Variants in RNF182 observed in about 807,000 individuals in gnomAD.
The protein encoded by RNF182 is ring finger protein 182.
A neutral mutation model predicts 14.4 loss-of-function variants in RNF182; 15 were observed. The observed-to-expected ratio is 1.04, with a 90% CI of 0.70 to 1.60. The LOEUF (loss-of-function observed/expected upper bound fraction) is 1.60. RNF182 is among the 40% of genes most tolerant of loss of function. RNF182 has a pLI of 0.00. For missense variants in RNF182, 268 were observed against 294.8 expected (o/e 0.91, Z 0.67); for synonymous variants, 128 against 122.9 (o/e 1.04, Z -0.27).
intron 1 of RNF182, among the ~76,000 whole-genome samples, chr6:13,934,523 T>A (rs565783797): frequency 7.5e-4 from 115 of 152,360 alleles, no homozygotes; most frequent in African/African-American, 2.6e-3. Flanking sequence ...TCTCCAACAA[T>A]GTTTTTTTGA....
intron 1 of RNF182, among the ~76,000 whole-genome samples, chr6:13,970,309 C>A (rs946394800): frequency 1.3e-5 from 2 of 152,148 alleles, no homozygotes; most frequent in African/African-American, 4.8e-5. Context: ...CCCACCTCAT[C>A]CTGAGATAAA....
rs113312478 is a variant in RNF182, at chr6:13,959,811, G to T, written c.-366-14399G>T. ...AATTTGTCTTAGACCTGTTAAATTT[G>T]AAGTGTTTGTGTTAATACAAATGGA... On this transcript the variant is annotated intron_variant, in intron 1 of 2. Transcript: ENST00000488300. Among the ~76,000 whole-genome samples the T allele has an allele frequency of 2.2e-3, 328 of 152,262 alleles. 3 individuals carry two copies. The East Asian group carries it at 0.038, about 18-fold the overall frequency.
At chr6:13,949,461 G>A in intron 1 of RNF182, 1 of 647,654 alleles carries the variant, frequency 1.5e-6, no homozygotes, top group South Asian at 1.8e-5. Context: ...TCTGGCCTTT[G>A]GTTGACGAGA....
At chr6:13,925,693 T>C (rs1037132845) in intron 1 of RNF182, among the ~76,000 whole-genome samples, 11 of 152,178 alleles carry the variant, frequency 7.2e-5, no homozygotes, top group African/African-American at 2.7e-4. Context: ...GTCATTGCTT[T>C]TGTTTCTAGA....
chr6:13,962,913 A>T (rs190714454), intron 1 of RNF182, among the ~76,000 whole-genome samples: 1 of 152,312 alleles, frequency 6.6e-6, no homozygotes, highest in East Asian at 1.9e-4. Context: ...TGGACAGTGG[A>T]GTAATACATA....
intron 1 of RNF182, among the ~76,000 whole-genome samples, chr6:13,946,839 A>G (rs750438924): frequency 2.6e-5 from 4 of 152,118 alleles, no homozygotes; most frequent in Non-Finnish European, 4.4e-5. Context: ...CTGCCTAACA[A>G]TTTTTAGGGT....
chr6:13,950,016 C>T (rs1009219097), intron 1 of RNF182, among the ~76,000 whole-genome samples: 5 of 152,190 alleles, frequency 3.3e-5, no homozygotes, highest in African/African-American at 1.2e-4. Context: ...TTTATTCTAT[C>T]TAACTTAAAA....
At chr6:13,934,920 G>A (rs1447681158) in intron 1 of RNF182, among the ~76,000 whole-genome samples, 1 of 152,226 alleles carries the variant, frequency 6.6e-6, no homozygotes, top group African/African-American at 2.4e-5. Flanking sequence ...CTGAGGCAGA[G>A]AGAGAAGACA....
At chr6:13,955,469 T>C (rs1321350368) in intron 1 of RNF182, among the ~76,000 whole-genome samples, 3 of 152,252 alleles carry the variant, frequency 2.0e-5, no homozygotes, top group Admixed American at 2.0e-4. Context: ...GAGTGGGTTA[T>C]GTTCCTCACA....
chr6:13,952,130 G>A (rs1293796727), intron 1 of RNF182, among the ~76,000 whole-genome samples: 4 of 152,094 alleles, frequency 2.6e-5, no homozygotes, highest in African/African-American at 9.7e-5. Context: ...GAAAGGGAAG[G>A]GCGAAAAGCA....
At chr6:13,926,565 A>G (rs570788699) in intron 1 of RNF182, among the ~76,000 whole-genome samples, 63 of 152,360 alleles carry the variant, frequency 4.1e-4, no homozygotes, top group African/African-American at 1.3e-3. Context: ...TGGAAGATTC[A>G]CAGATGCTCT....
chr6:13,973,455 C>T (rs184179496), intron 1 of RNF182, among the ~76,000 whole-genome samples: 252 of 152,206 alleles, frequency 1.7e-3, no homozygotes, highest in Non-Finnish European at 2.7e-3. Context: ...TGTGTCCCCA[C>T]CCAAATCTGA....
At position 13,976,961 on chromosome 6, in the gene RNF182, A is replaced by G; in HGVS notation, c.-159A>G. The stretch of plus-strand genomic sequence containing the variant: ...CGTTTGAGACAGAGTTATATGCAGA[A>G]GTTGAAAATGCCTGGAAGATTTCTG... On this transcript the variant is annotated 5_prime_UTR_variant, in exon 3 of 3. Transcript: ENST00000488300. 1.4e-6 allele frequency: 1 copy of G among 737,880 alleles called. No individual in the cohort carries two copies. The highest frequency in any genetic ancestry group is 2.3e-6 in the Non-Finnish European group (1 of 439,654). 45.7% of individuals were successfully genotyped at this position (737,880 alleles called of 1,614,324 possible). A position where few individuals can be genotyped will look rare whatever the true frequency, so the allele number is the denominator to read the frequency against.
At chr6:13,933,281 C>T (rs577388948) in intron 1 of RNF182, among the ~76,000 whole-genome samples, 10 of 152,088 alleles carry the variant, frequency 6.6e-5, no homozygotes, top group South Asian at 6.2e-4. Flanking sequence ...ACCTGGAGGC[C>T]GAAGCAGGAA....
intron 1 of RNF182, among the ~76,000 whole-genome samples, chr6:13,929,772 C>A (rs1274265588): frequency 6.6e-6 from 1 of 152,176 alleles, no homozygotes; most frequent in East Asian, 1.9e-4. Context: ...AGGAATGCAG[C>A]AAGCTTTATT....
chr6:13,931,811 A>G (rs1279878579), intron 1 of RNF182, among the ~76,000 whole-genome samples: 1 of 152,042 alleles, frequency 6.6e-6, no homozygotes, highest in East Asian at 1.9e-4. Flanking sequence ...GTCCCCTCCA[A>G]ATTCATATGT....
chr6:13,952,308 T>G (rs1585038892), intron 1 of RNF182, among the ~76,000 whole-genome samples: 2 of 152,096 alleles, frequency 1.3e-5, no homozygotes, highest in Non-Finnish European at 1.5e-5. Flanking sequence ...GAGAGAAAGC[T>G]CCTCATTGTC....
chr6:13,932,337 T>TGTTA (rs1231865558), intron 1 of RNF182, among the ~76,000 whole-genome samples: 5 of 152,244 alleles, frequency 3.3e-5, no homozygotes, highest in African/African-American at 1.2e-4. Flanking sequence ...AACTTGCATA[T>TGTTA]GTTAATACTC....
intron 1 of RNF182, among the ~76,000 whole-genome samples, chr6:13,945,693 G>A (rs1262654592): frequency 1.3e-5 from 2 of 152,138 alleles, no homozygotes; most frequent in Non-Finnish European, 2.9e-5. Flanking sequence ...TATTTTTTGT[G>A]TTAAACAGTA....
Sources: gnomAD v4.1 joint callset for allele counts (sites outside exome capture counted in the v4.1 genomes callset) on GRCh38, gnomAD v4.1.1 for gene constraint, MANE v1.5 for transcripts, NCBI Gene and HGNC (gene_info 2026-07-23, HGNC 2026-07-21) for gene names.